Variants in POU2F3 observed in about 807,000 individuals in gnomAD.
POU2F3 encodes the protein POU domain, class 2, transcription factor 3.
A neutral mutation model predicts 59.2 loss-of-function variants in POU2F3; 23 were observed. The ratio of observed to expected loss-of-function variants is 0.39; its 90% confidence interval spans 0.28 to 0.55. POU2F3 has a LOEUF of 0.55. Ranked by LOEUF, POU2F3 falls within the 20% of genes least tolerant of loss-of-function variation. The pLI is 0.66. For synonymous variants in POU2F3, 190 were observed against 214.6 expected (o/e 0.89, Z 1.00); for missense variants, 473 against 544.5 (o/e 0.87, Z 1.31).
Position 120,299,745 on chromosome 11 carries a change from T to A in POU2F3, c.361+19T>A, listed in dbSNP as rs764134315. 1 of 1,598,636 alleles carries A rather than the reference T, an allele frequency of 6.3e-7. No homozygotes were observed. On this transcript the variant is annotated intron_variant, in intron 5 of 12. Transcript: ENST00000543440. ...CAGCAAGGTAAGAACCCTGGGGGTT[T>A]CCACCTAGACCAAGTCCAGTCAAGT...
intron 10 of POU2F3, among the ~76,000 whole-genome samples, chr11:120,311,907 C>T (rs145894669): frequency 2.6e-5 from 4 of 152,098 alleles, no homozygotes; most frequent in Non-Finnish European, 5.9e-5. Flanking sequence ...CCAGAAAAGA[C>T]AAGAAACTAC....
intron 2 of POU2F3, among the ~76,000 whole-genome samples, chr11:120,246,855 GC>G (rs1231039341): frequency 1.3e-5 from 2 of 152,160 alleles, no homozygotes; most frequent in African/African-American, 2.4e-5. Flanking sequence ...TGGGGACAAG[GC>G]CTTTTAGCCC....
At chr11:120,243,727 C>G (rs1938763294) in intron 1 of POU2F3, among the ~76,000 whole-genome samples, 1 of 152,182 alleles carries the variant, frequency 6.6e-6, no homozygotes, top group South Asian at 2.1e-4. Context: ...ACCCATCAGC[C>G]TCAGCCTCCT....
At position 120,319,807 on chromosome 11, in the gene POU2F3, C is replaced by G. The variant is rs2135151301; in HGVS notation, c.*1415C>G. 1 of 151,404 alleles carries G rather than the reference C, an allele frequency of 6.6e-6. No homozygotes were observed. Among genetic ancestry groups the G allele is most frequent in the Non-Finnish European group, 1.5e-5 (1 of 67,772 alleles). 9.4% of individuals were successfully genotyped at this position (151,404 alleles called of 1,614,324 possible). On this transcript the variant is annotated 3_prime_UTR_variant, in exon 13 of 13. Transcript: ENST00000543440. ...TCTCTAGAGTCTGCTTTTTTGTGGG[C>G]CAGTTTGTAGAGATGTAACATGAAG...
chr11:120,316,931 C>G (rs1941802845), intron 11 of POU2F3, among the ~76,000 whole-genome samples: 1 of 152,140 alleles, frequency 6.6e-6, no homozygotes, highest in African/African-American at 2.4e-5. Context: ...TAGGGTGTGT[C>G]CTAGAGTAGG....
intron 10 of POU2F3, 77 bp downstream of exon 10, chr11:120,309,663 G>A: frequency 1.3e-6 from 2 of 1,503,478 alleles, no homozygotes; most frequent in South Asian, 2.4e-5. Context: ...GTGGCTGCAG[G>A]GAAGAGGGGA....
At chr11:120,272,175 T>C (rs946065691) in intron 3 of POU2F3, among the ~76,000 whole-genome samples, 1 of 152,200 alleles carries the variant, frequency 6.6e-6, no homozygotes, top group African/African-American at 2.4e-5. Flanking sequence ...GGTGATACGA[T>C]CCTCATTTCA....
At chr11:120,273,373 C>T (rs2135207348) in intron 3 of POU2F3, among the ~76,000 whole-genome samples, 1 of 152,266 alleles carries the variant, frequency 6.6e-6, no homozygotes, top group South Asian at 2.1e-4. Context: ...AAGGATATTA[C>T]AGAAGAGATG....
At chr11:120,254,224 C>T (rs1360624613) in intron 2 of POU2F3, 1 of 152,282 alleles carries the variant, frequency 6.6e-6, no homozygotes, top group Non-Finnish European at 1.5e-5. Context: ...TCAAATTAGA[C>T]AAGTCTTAGG....
Position 120,240,739 on chromosome 11 carries a change from T to C in POU2F3, c.28+368T>C, listed in dbSNP as rs572010171. Among the ~76,000 whole-genome samples, 3 of 151,870 alleles carry C rather than the reference T, an allele frequency of 2.0e-5. No homozygotes were observed. The East Asian group carries it at 5.8e-4, about 30-fold the overall frequency. On this transcript the variant is annotated intron_variant, in intron 1 of 12. Coordinates refer to ENST00000543440, the MANE Select transcript of POU2F3 (RefSeq NM_014352.4). ...CCAGGGGTGTGGACCTGGGAGTGCATAAGTGAGGGAAATGTGTATGTCCAC... is the reference window on the plus strand; with the variant it reads ...CCAGGGGTGTGGACCTGGGAGTGCACAAGTGAGGGAAATGTGTATGTCCAC...
At chr11:120,298,498 T>C in intron 4 of POU2F3, 108 bp downstream of exon 4, 1 of 1,456,166 alleles carries the variant, frequency 6.9e-7, no homozygotes, top group Non-Finnish European at 9.4e-7. Context: ...GCAGGCAATG[T>C]GGGAAAGAGA....
intron 3 of POU2F3, among the ~76,000 whole-genome samples, chr11:120,284,638 C>T (rs1205911168): frequency 6.6e-6 from 1 of 152,182 alleles, no homozygotes; most frequent in Non-Finnish European, 1.5e-5. Context: ...TACTAAACGC[C>T]CCTTAGGAAG....
chr11:120,310,245 T>G (rs1222718412), intron 10 of POU2F3, among the ~76,000 whole-genome samples: 1 of 152,088 alleles, frequency 6.6e-6, no homozygotes, highest in Non-Finnish European at 1.5e-5. Context: ...CTGGCTAGAC[T>G]TTGATGGTGG....
At chr11:120,284,823 T>C (rs1403812026) in intron 3 of POU2F3, among the ~76,000 whole-genome samples, 1 of 152,186 alleles carries the variant, frequency 6.6e-6, no homozygotes, top group Non-Finnish European at 1.5e-5. Context: ...CTTTTAGGGC[T>C]AATGGGTCCT....
At position 120,318,448 on chromosome 11, in the gene POU2F3, A is replaced by G; in HGVS notation, c.*56A>G. On this transcript the variant is annotated 3_prime_UTR_variant, in exon 13 of 13. Transcript: ENST00000543440. The stretch of plus-strand genomic sequence containing the variant: ...CCTGTATTCCCCCTGGAAGGAAGGG[A>G]ATCATGCCTTCTATATACAGACAGA... 2 of 1,492,190 alleles carry G rather than the reference A, an allele frequency of 1.3e-6. No homozygotes were observed. The highest frequency in any genetic ancestry group is 1.9e-6 in the Non-Finnish European group (2 of 1,069,260). The allele number at this position is 1,492,190 out of a possible 1,614,324, so 92.4% of individuals were successfully genotyped here.
At chr11:120,315,571 T>C (rs924491847) in intron 11 of POU2F3, 144 bp downstream of exon 11, 9 of 782,756 alleles carry the variant, frequency 1.1e-5, no homozygotes, top group Non-Finnish European at 1.8e-5. Context: ...AAAAGGGTTC[T>C]GTGATCAAAT....
chr11:120,272,566 G>A (rs1291520950), intron 3 of POU2F3, among the ~76,000 whole-genome samples: 2 of 152,256 alleles, frequency 1.3e-5, no homozygotes, highest in Non-Finnish European at 2.9e-5. Context: ...TGCCCTGGGT[G>A]AAGCTCCTGT....
In POU2F3 at chr11:120,271,176, C is replaced by T. The variant is rs1940053901; in HGVS notation, c.132+1932C>T. Among the ~76,000 whole-genome samples the T allele has an allele frequency of 2.0e-5, 3 of 152,246 alleles. No individual in the cohort carries two copies. The South Asian group carries it at 6.2e-4, about 32-fold the overall frequency. On this transcript the variant is annotated intron_variant, in intron 3 of 12. Transcript: ENST00000543440. ...GAAAGCCAACTACCCTCCCTTTACA[C>T]CTGAGAACTAAAACAGAGATAGGCT...
At chr11:120,265,401 A>T (rs2135183182) in intron 2 of POU2F3, 1 of 152,346 alleles carries the variant, frequency 6.6e-6, no homozygotes, top group Non-Finnish European at 1.5e-5. Context: ...CCGGGAGGGC[A>T]TGGCTGGCCC....
Sources: allele counts gnomAD v4.1 joint callset (sites outside exome capture counted in the v4.1 genomes callset), GRCh38; gene constraint gnomAD v4.1.1; transcripts MANE v1.5; gene names NCBI Gene and HGNC (gene_info 2026-07-23, HGNC 2026-07-21).